Variants in SYTL2 observed in about 807,000 individuals in gnomAD.
The protein encoded by SYTL2 is synaptotagmin like 2, also known as synaptotagmin-like protein 2.
SYTL2 carries 165 observed loss-of-function variants against 198.7 expected under a neutral mutation model. The observed-to-expected ratio is 0.83, with a 90% confidence interval of 0.73 to 0.94. The LOEUF is 0.94. Ranked by LOEUF, SYTL2 falls within the 40% of genes least tolerant of loss-of-function variation. The pLI, the probability that SYTL2 is intolerant of heterozygous loss-of-function variation, is 0.00. For synonymous variants in SYTL2, 966 were observed against 917.7 expected (o/e 1.05, Z -0.95); for missense variants, 2,835 against 2,582.8 (o/e 1.10, Z -2.12).
At chr11:85,721,384 T>C (rs1218283712) in intron 8 of SYTL2, among the ~76,000 whole-genome samples, 1 of 152,138 alleles carries the variant, frequency 6.6e-6, no homozygotes, top group East Asian at 1.9e-4. Flanking sequence ...AACATCTGTG[T>C]ATAATTGGGT....
chr11:85,848,731 G>A, the SYTL2 span, among the ~76,000 whole-genome samples: 1 of 152,212 alleles, frequency 6.6e-6, no homozygotes, highest in Non-Finnish European at 1.5e-5. Flanking sequence ...CTCTTGTGAT[G>A]TCACATGCTA....
chr11:85,825,837 G>A, the SYTL2 span, among the ~76,000 whole-genome samples: 1 of 152,164 alleles, frequency 6.6e-6, no homozygotes, highest in Non-Finnish European at 1.5e-5. Context: ...GTTTCCTTAT[G>A]TATAAAATGG....
intron 16 of SYTL2, among the ~76,000 whole-genome samples, chr11:85,704,284 TA>T (rs1298891338): frequency 1.3e-5 from 2 of 151,916 alleles, no homozygotes. Flanking sequence ...TTACTAGAGA[TA>T]AAAAGGGAAT....
chr11:85,786,389 C>T lies in SYTL2; in HGVS notation c.-390+24565G>A, dbSNP rs534563347. ...TTGTATACAACTTAATACACACAGG[C>T]CCATATGCACACACACATTAGTAAA... On this transcript the variant is annotated intron_variant, in intron 1 of 19. Transcript: ENST00000359152. Among the ~76,000 whole-genome samples the T allele has an allele frequency of 2.6e-5, 4 of 152,138 alleles. No homozygotes were observed. In the South Asian group the frequency reaches 8.3e-4, roughly 32 times the overall value.
At chr11:85,766,703 C>T (rs185834067) in intron 1 of SYTL2, among the ~76,000 whole-genome samples, 1 of 152,278 alleles carries the variant, frequency 6.6e-6, no homozygotes, top group East Asian at 1.9e-4. Flanking sequence ...ATGCCGTCCC[C>T]TGCCTCAGAG....
intron 17 of SYTL2, among the ~76,000 whole-genome samples, chr11:85,698,602 A>G (rs1056305197): frequency 1.3e-5 from 2 of 152,138 alleles, no homozygotes; most frequent in Non-Finnish European, 2.9e-5. Context: ...CAGTGGCACA[A>G]TCATGGCTCA....
intron 1 of SYTL2, among the ~76,000 whole-genome samples, chr11:85,808,128 A>G (rs10898413): frequency 0.42 from 63,448 of 151,962 alleles, 14,285 homozygotes; most frequent in African/African-American, 0.58. Flanking sequence ...GTACAGTGGC[A>G]TGATCTCAGC....
At chr11:85,833,552 T>C in the SYTL2 span, among the ~76,000 whole-genome samples, 15 of 151,148 alleles carry the variant, frequency 9.9e-5, no homozygotes, top group Admixed American at 7.3e-4. Context: ...AGGGGGAAAA[T>C]TGCTAACTAC....
At chr11:85,782,505 C>G (rs2153603944) in intron 1 of SYTL2, among the ~76,000 whole-genome samples, 1 of 152,332 alleles carries the variant, frequency 6.6e-6, no homozygotes, top group Non-Finnish European at 1.5e-5. Context: ...ATGTATGCAG[C>G]CAGCTTGAAT....
the SYTL2 span, among the ~76,000 whole-genome samples, chr11:85,842,171 G>A: frequency 6.6e-6 from 1 of 152,158 alleles, no homozygotes. Context: ...ACAAAGGGGA[G>A]GTCAAGTGCA....
At chr11:85,782,774 CAG>C (rs553155684) in intron 1 of SYTL2, among the ~76,000 whole-genome samples, 1 of 152,222 alleles carries the variant, frequency 6.6e-6, no homozygotes, top group Non-Finnish European at 1.5e-5. Flanking sequence ...ATCTCTAAGA[CAG>C]GGGCAAAATG....
At chr11:85,851,272 G>C in the SYTL2 span, among the ~76,000 whole-genome samples, 1 of 152,362 alleles carries the variant, frequency 6.6e-6, no homozygotes, top group Non-Finnish European at 1.5e-5. Context: ...TTATTGGACA[G>C]GAAGTTGTAG....
rs535369743 is a variant in SYTL2 at position 85,774,456 on chromosome 11, G to A, written c.-389-16342C>T. ...AACAGGAAGAGCAGCAGTAAAGGTG[G>A]AAGAAAAGGCCAGGTACACAGTGCC... On this transcript the variant is annotated intron_variant, in intron 1 of 19. Coordinates refer to ENST00000359152, the MANE Select transcript of SYTL2 (RefSeq NM_206927.4). Among the ~76,000 whole-genome samples the A allele has an allele frequency of 6.6e-5, 10 of 152,280 alleles. No individual in the cohort carries two copies. In the East Asian group the frequency reaches 1.9e-3, roughly 29 times the overall value.
intron 11 of SYTL2, chr11:85,716,695 T>TAC (rs67088133): frequency 0.48 from 67,103 of 140,472 alleles, 15,923 homozygotes; most frequent in Middle Eastern, 0.62. Context: ...TAAAAAATCA[T>TAC]ACACACACAC....
chr11:85,815,106 T>C (rs565025480), upstream of SYTL2, among the ~76,000 whole-genome samples: 17 of 152,336 alleles, frequency 1.1e-4, no homozygotes, highest in South Asian at 3.3e-3. Flanking sequence ...AAATGACTTA[T>C]ACACAATAGG....
At chr11:85,843,709 A>C in the SYTL2 span, among the ~76,000 whole-genome samples, 1 of 152,238 alleles carries the variant, frequency 6.6e-6, no homozygotes, top group South Asian at 2.1e-4. Flanking sequence ...GCATTCTCAC[A>C]TAACAGTTAA....
chr11:85,696,054 C>G, intron 19 of SYTL2, 129 bp downstream of exon 19: 1 of 707,952 alleles, frequency 1.4e-6, no homozygotes. Context: ...ATTTATTTCA[C>G]TATACTTAAG....
At position 85,734,182 on chromosome 11, in the gene SYTL2, T is replaced by C; in HGVS notation, c.1147A>G (p.Lys383Glu). The C allele has an allele frequency of 6.2e-7, 1 of 1,614,178 alleles. No individual in the cohort carries two copies. The highest frequency in any genetic ancestry group is 8.5e-7 in the Non-Finnish European group (1 of 1,179,984). Reference protein sequence around the residue: ...GDTEEFQSDPKPSQYRKPSLF... With the variant: ...GDTEEFQSDPEPSQYRKPSLF... ...GAAGGCTTTCTGTATTGAGAAGGCT[T>C]AGGGTCACTCTGAAACTCTTCTGTG... Residue 383 changes from lysine (K) to glutamate (E), a missense_variant, in exon 7 of 20, where the codon AAG (lysine) becomes GAG (glutamate). Transcript: ENST00000359152.
At chr11:85,783,794 C>A (rs2092598477) in intron 1 of SYTL2, among the ~76,000 whole-genome samples, 1 of 152,190 alleles carries the variant, frequency 6.6e-6, no homozygotes, top group South Asian at 2.1e-4. Flanking sequence ...TGCTTCCACC[C>A]CATGCTGCCT....
Sources: allele counts gnomAD v4.1 joint callset (sites outside exome capture counted in the v4.1 genomes callset), GRCh38; gene constraint gnomAD v4.1.1; transcripts MANE v1.5; gene names NCBI Gene and HGNC (gene_info 2026-07-23, HGNC 2026-07-21).